Variants in FANCA observed in about 807,000 individuals in gnomAD.
FANCA encodes Fanconi anemia group A protein.
A neutral mutation model predicts 194.3 loss-of-function variants in FANCA; 236 were observed. That is an observed-to-expected ratio of 1.21 (90% CI 1.09 to 1.35). The LOEUF is 1.35. Ranked by LOEUF, FANCA falls within the 40% of genes most tolerant of loss-of-function variation. The pLI, the probability that FANCA is intolerant of heterozygous loss-of-function variation, is 0.00. For missense variants in FANCA, 2,628 were observed against 1,813.9 expected, an observed-to-expected ratio of 1.45 and a Z score of -8.15; for synonymous variants, 1,014 against 715.8, an observed-to-expected ratio of 1.42 and a Z score of -6.65.
In FANCA at chr16:89,805,282, G is replaced by A; in HGVS notation, c.707C>T (p.Ser236Phe). Reference sequence around the variant, plus strand: ...CCCGCATCTTGTCATGAACGCACCAGAAAGCATGGCCCTGGCGACGTCAGC... The same window carrying A: ...CCCGCATCTTGTCATGAACGCACCAAAAAGCATGGCCCTGGCGACGTCAGC... Reference protein sequence around the residue: ...QHADVARAMLSDFVQMFVLRG... With the variant: ...QHADVARAMLFDFVQMFVLRG... The change falls in exon 7 of 43, where the codon TCT (serine) becomes TTT (phenylalanine). Residue 236 changes from serine to phenylalanine, a missense_variant and splice_region_variant. Transcript: ENST00000389301. 1 of 1,612,962 alleles carries A rather than the reference G, an allele frequency of 6.2e-7. No homozygotes were observed. The highest frequency in any genetic ancestry group is 1.1e-5 in the South Asian group (1 of 91,022).
At chr16:89,766,297 A>G (rs1355007824) in intron 27 of FANCA, among the ~76,000 whole-genome samples, 1 of 151,932 alleles carries the variant, frequency 6.6e-6, no homozygotes, top group African/African-American at 2.4e-5. Context: ...GCCCAGCCTG[A>G]AAACCACTAT....
intron 11 of FANCA, 107 bp from the exon 12 acceptor site, chr16:89,792,654 C>T (rs926357228): frequency 4.9e-5 from 42 of 859,632 alleles, no homozygotes; most frequent in Non-Finnish European, 7.3e-5. Flanking sequence ...CCGTGTGCGG[C>T]GACGAGAGAG....
At chr16:89,793,697 C>T (rs531569480) in intron 11 of FANCA, among the ~76,000 whole-genome samples, 9 of 152,104 alleles carry the variant, frequency 5.9e-5, no homozygotes, top group Non-Finnish European at 1.3e-4. Flanking sequence ...CCACCTGCCT[C>T]AGTCTCCCAA....
At chr16:89,808,238 T>G (rs2040738858) in intron 6 of FANCA, 56 bp downstream of exon 6, 4 of 1,540,250 alleles carry the variant, frequency 2.6e-6, no homozygotes, top group South Asian at 2.2e-5. Context: ...TGAAATATAA[T>G]TTATACTAGA....
intron 21 of FANCA, among the ~76,000 whole-genome samples, chr16:89,774,909 C>A (rs1437206075): frequency 6.6e-6 from 1 of 151,816 alleles, no homozygotes. Flanking sequence ...GCTTGTCCAA[C>A]ATGGCGAAAC....
chr16:89,746,068 G>C (rs2038378229), intron 35 of FANCA, among the ~76,000 whole-genome samples: 1 of 152,180 alleles, frequency 6.6e-6, no homozygotes, highest in Non-Finnish European at 1.5e-5. Context: ...AGCCGCCAGG[G>C]AAGTGAGGGA....
intron 14 of FANCA, among the ~76,000 whole-genome samples, chr16:89,789,593 C>T (rs2238530): frequency 0.059 from 8,997 of 151,906 alleles, 413 homozygotes; most frequent in East Asian, 0.22. Context: ...GTGCTTACCA[C>T]CACACCCAGC....
At chr16:89,762,083 T>C in intron 28 of FANCA, 61 bp from the exon 29 acceptor site, 1 of 1,327,324 alleles carries the variant, frequency 7.5e-7, no homozygotes, top group South Asian at 1.2e-5. Context: ...CACCGACAGG[T>C]TTATAAACCA....
chr16:89,737,777 CCTGGACTCA>C lies in FANCA; in HGVS notation c.*815_*823del. The C allele has an allele frequency of 6.2e-7, 1 of 1,614,000 alleles. No homozygotes were observed. Among genetic ancestry groups the C allele is most frequent in the Non-Finnish European group, 8.5e-7 (1 of 1,179,988 alleles). On this transcript the variant is annotated 3_prime_UTR_variant, in exon 43 of 43. Transcript: ENST00000389301. ...CCCCGGGAGGTTGGAGCATCAGGGGCCTGGACTCACTGGACTCTCCCCTCTCAGAGGTGC... is the reference window on the plus strand; with the variant it reads ...CCCCGGGAGGTTGGAGCATCAGGGGCCTGGACTCTCCCCTCTCAGAGGTGC...
chr16:89,740,926 T>G, intron 37 of FANCA, 60 bp from the exon 38 acceptor site: 3 of 1,431,290 alleles, frequency 2.1e-6, no homozygotes, highest in Non-Finnish European at 2.9e-6. Flanking sequence ...TCATTCTAAA[T>G]AAGGCTGACA....
At chr16:89,739,322 A>G in intron 40 of FANCA, 33 bp from the exon 41 acceptor site, 2 of 1,613,626 alleles carry the variant, frequency 1.2e-6, no homozygotes, top group African/African-American at 1.3e-5. Context: ...AAATGGCTAC[A>G]GACTGCTGGA....
chr16:89,798,820 C>G, intron 10 of FANCA: 1 of 1,466,674 alleles, frequency 6.8e-7, no homozygotes, highest in Non-Finnish European at 9.0e-7. Context: ...GCAGGGCCAG[C>G]TCTAGAGCCT....
intron 17 of FANCA, among the ~76,000 whole-genome samples, chr16:89,782,388 G>T (rs1345191028): frequency 6.6e-6 from 1 of 151,224 alleles, no homozygotes; most frequent in Admixed American, 6.6e-5. Flanking sequence ...GGCGGCTCCT[G>T]TAGTCCCAGC....
chr16:89,772,988 C>A (rs548518674), intron 22 of FANCA, among the ~76,000 whole-genome samples: 3 of 152,266 alleles, frequency 2.0e-5, no homozygotes, highest in Admixed American at 2.0e-4. Flanking sequence ...AAACAGGCAT[C>A]CTAGTCACGC....
At chr16:89,803,406 C>T in intron 7 of FANCA, 65 bp from the exon 8 acceptor site, 1 of 1,418,580 alleles carries the variant, frequency 7.0e-7, no homozygotes, top group Non-Finnish European at 1.0e-6. Context: ...GTGAATGGCA[C>T]AGACCATCCA....
rs1242514638 is a variant in FANCA, at chr16:89,810,798, T to C, written c.431A>G (p.Lys144Arg). 6.2e-7 allele frequency: 1 copy of C among 1,612,902 alleles called. No homozygotes were observed. The highest frequency in any genetic ancestry group is 1.3e-5 in the African/African-American group (1 of 74,930). Residue 144 changes from lysine to arginine, a missense_variant, in exon 5 of 43, where the codon AAG (lysine) becomes AGG (arginine). Physicochemically the swap from Lys to Arg is conservative, Grantham distance 26 (BLOSUM62 2). Transcript: ENST00000389301. ...PVLLTVEQRK[K>R]LSSLLEFAQY... is the part of the protein sequence containing the mutation. ...AGCAAACTCTAACAGGGAAGACAGC[T>C]TCTTCTGAAAAGAGAGATTACATTT...
intron 30 of FANCA, among the ~76,000 whole-genome samples, chr16:89,755,801 C>T (rs527731349): frequency 3.7e-4 from 57 of 152,332 alleles, no homozygotes; most frequent in Middle Eastern, 3.4e-3. Context: ...ATCACGTGAA[C>T]ATCCAAGAGC....
intron 10 of FANCA, 24 bp from the exon 11 acceptor site, chr16:89,796,042 G>A (rs1466389328): frequency 6.3e-7 from 1 of 1,577,134 alleles, no homozygotes; most frequent in East Asian, 2.2e-5. Context: ...AGAAAGAGGG[G>A]TCAGGAAAGG....
chr16:89,764,298 T>C (rs2039051785), intron 28 of FANCA, among the ~76,000 whole-genome samples: 2 of 152,168 alleles, frequency 1.3e-5, no homozygotes, highest in South Asian at 4.1e-4. Flanking sequence ...GCAGGGTTTC[T>C]CTGTATTTAT....
Sources: gnomAD v4.1 joint callset for allele counts (sites outside exome capture counted in the v4.1 genomes callset) on GRCh38, gnomAD v4.1.1 for gene constraint, MANE v1.5 for transcripts, NCBI Gene and HGNC (gene_info 2026-07-23, HGNC 2026-07-21) for gene names.